The following DTX4 variants were observed in gnomAD, a reference collection of about 807,000 sequenced individuals.
The protein encoded by DTX4 is deltex E3 ubiquitin ligase 4, also known as E3 ubiquitin-protein ligase DTX4.
In DTX4, 28 loss-of-function variants were observed where a neutral mutation model predicts 57.6. That is an observed-to-expected ratio of 0.49 (90% CI 0.36 to 0.67). DTX4 has a LOEUF of 0.67. DTX4 is among the 30% of genes least tolerant of loss of function. The pLI is 0.00. For synonymous variants in DTX4, 316 were observed against 331.0 expected (o/e 0.95, Z 0.49); for missense variants, 715 against 836.8 (o/e 0.85, Z 1.80).
In DTX4 at chr11:59,181,878, T is replaced by C. The variant is rs758319344; in HGVS notation, c.351T>C (p.Tyr117=). Residue 117 remains tyrosine, a synonymous_variant, in exon 2 of 9, where the codon TAT becomes TAC. Transcript: ENST00000227451. ...MEVGITIQHA[Y]EKQHPWIDLT... ...TGGGCATCACCATCCAGCATGCCTA[T>C]GAGAAGCAGCACCCCTGGATCGACC... 2 of 1,613,962 alleles carry C rather than the reference T, an allele frequency of 1.2e-6. No homozygotes were observed. Among genetic ancestry groups the C allele is most frequent in the South Asian group, 2.2e-5 (2 of 91,086 alleles).
Position 59,182,222 on chromosome 11 carries a change from T to TG in DTX4, c.696dup (p.Pro233AlafsTer133), listed in dbSNP as rs1565216658. 1.2e-6 allele frequency: 2 copies of TG among 1,609,402 alleles called. No homozygotes were observed. The highest frequency in any genetic ancestry group is 1.7e-6 in the Non-Finnish European group (2 of 1,177,558). ...CCTGGAGTGGTCAAGCTACCCCCACTGCCAGGCTCTGGGGCCAAGCCACTG... is the reference window on the plus strand; with the variant it reads ...CCTGGAGTGGTCAAGCTACCCCCACTGGCCAGGCTCTGGGGCCAAGCCACTG... On this transcript the variant is annotated frameshift_variant, in exon 2 of 9. Transcript: ENST00000227451. LOFTEE classifies it high-confidence loss of function.
At position 59,198,212 on chromosome 11, in the gene DTX4, C is replaced by T. The variant is rs773218997; in HGVS notation, c.1537-1472C>T. 1.4e-4 allele frequency among the ~76,000 whole-genome samples: 22 copies of T among 152,256 alleles called. No homozygotes were observed. The Middle Eastern group carries it at 0.01, about 71-fold the overall frequency. On this transcript the variant is annotated intron_variant, in intron 7 of 8. Transcript: ENST00000227451. Reference sequence around the variant, plus strand: ...GAGTCGTGACTGCTCCACTTAGCAACGAGCTGGGAGGGCACAGCCGTGTTG... The same window carrying T: ...GAGTCGTGACTGCTCCACTTAGCAATGAGCTGGGAGGGCACAGCCGTGTTG...
chr11:59,205,006 C>A lies in DTX4; in HGVS notation c.*97C>A. The A allele has an allele frequency of 1.8e-6, 2 of 1,108,956 alleles. No homozygotes were observed. The highest frequency in any genetic ancestry group is 1.3e-6 in the Non-Finnish European group (1 of 767,106). 68.7% of individuals were successfully genotyped at this position (1,108,956 alleles called of 1,614,324 possible). ...TAGAAGAAGTTGGTGTCCTGCCCTC[C>A]CAACTTTCTATCCTCCCCTCCTGCC... is the stretch of plus-strand genomic sequence containing the variant. On this transcript the variant is annotated 3_prime_UTR_variant, in exon 9 of 9. Transcript: ENST00000227451.
In DTX4 at chr11:59,195,271, C is replaced by T. The variant is rs947500088; in HGVS notation, c.1438C>T (p.Pro480Ser). Residue 480 changes from proline to serine, a missense_variant, in exon 7 of 9, where the codon CCA (proline) becomes TCA (serine). By Grantham distance (74) the Pro-to-Ser change is moderately conservative (BLOSUM62 -1). Transcript: ENST00000227451. ...TGGGGTGAAGACAGGCACCCAACCTCCAGGGAAGATGGAGTACCACCTCAT... is the reference window on the plus strand; with the variant it reads ...TGGGGTGAAGACAGGCACCCAACCTTCAGGGAAGATGGAGTACCACCTCAT... ...IYGVKTGTQP[P>S]GKMEYHLIPH... 1.2e-6 allele frequency: 2 copies of T among 1,613,972 alleles called. No individual in the cohort carries two copies. The highest frequency in any genetic ancestry group is 8.5e-7 in the Non-Finnish European group (1 of 1,179,872).
chr11:59,194,605 A>AT (rs1158840131), intron 6 of DTX4, among the ~76,000 whole-genome samples: 1 of 152,218 alleles, frequency 6.6e-6, no homozygotes, highest in African/African-American at 2.4e-5. Flanking sequence ...TGAGACAGAT[A>AT]TTTTTTATCC....
In DTX4 at chr11:59,205,784, C is replaced by T. The variant is rs1862798297; in HGVS notation, c.*875C>T. ...AAAGATTCCATGAGTTTCATCGAGT[C>T]ACTGTGAGTGGAGCCCATGCTGGGC... On this transcript the variant is annotated 3_prime_UTR_variant, in exon 9 of 9. Transcript: ENST00000227451. The T allele has an allele frequency of 1.3e-5, 2 of 153,036 alleles. No homozygotes were observed. Among genetic ancestry groups the T allele is most frequent in the East Asian group, 1.9e-4 (1 of 5,176 alleles). The allele number at this position is 153,036 out of a possible 1,614,324, so 9.5% of individuals were successfully genotyped here. A position where few individuals can be genotyped will look rare whatever the true frequency, so the allele number is the denominator to read the frequency against.
chr11:59,200,749 T>A (rs1383531585), intron 8 of DTX4, among the ~76,000 whole-genome samples: 1 of 152,214 alleles, frequency 6.6e-6, no homozygotes, highest in Non-Finnish European at 1.5e-5. Flanking sequence ...TTTCTATGGA[T>A]GAGGCCAGAA....
chr11:59,206,939 A>C lies in DTX4; in HGVS notation c.*2030A>C, dbSNP rs1862819269. On this transcript the variant is annotated 3_prime_UTR_variant, in exon 9 of 9. Transcript: ENST00000227451. The stretch of plus-strand genomic sequence containing the variant: ...TCCCAAGGTTACTGCACCACAGGGC[A>C]ATTTCCTGCCATAGTTAGGAAGGAA... 1 of 152,504 alleles carries C rather than the reference A, an allele frequency of 6.6e-6. No individual in the cohort carries two copies. Among genetic ancestry groups the C allele is most frequent in the African/African-American group, 2.4e-5 (1 of 41,460 alleles). The allele number at this position is 152,504 out of a possible 1,614,324, so 9.4% of individuals were successfully genotyped here.
intron 1 of DTX4, among the ~76,000 whole-genome samples, chr11:59,177,867 GA>G (rs1862414815): frequency 6.6e-6 from 1 of 152,046 alleles, no homozygotes; most frequent in African/African-American, 2.4e-5. Flanking sequence ...TTCATTTATT[GA>G]ATCAATATTT....
intron 1 of DTX4, among the ~76,000 whole-genome samples, chr11:59,176,291 C>A (rs1862394763): frequency 6.6e-6 from 1 of 152,240 alleles, no homozygotes; most frequent in Non-Finnish European, 1.5e-5. Context: ...GCACCTTGCA[C>A]ACACTATCTT....
At chr11:59,190,813 G>C (rs1419317747) in intron 4 of DTX4, among the ~76,000 whole-genome samples, 1 of 152,150 alleles carries the variant, frequency 6.6e-6, no homozygotes, top group Non-Finnish European at 1.5e-5. Context: ...CAAATCATTT[G>C]ATTATAAGGA....
At chr11:59,190,078 G>A (rs1316475363) in intron 4 of DTX4, among the ~76,000 whole-genome samples, 2 of 152,136 alleles carry the variant, frequency 1.3e-5, no homozygotes, top group African/African-American at 4.8e-5. Flanking sequence ...TTAATTACTA[G>A]AGCTTAATTC....
intron 2 of DTX4, among the ~76,000 whole-genome samples, chr11:59,182,838 T>C (rs1862483978): frequency 6.6e-6 from 1 of 152,140 alleles, no homozygotes; most frequent in African/African-American, 2.4e-5. Context: ...TCCCAGCACT[T>C]TGGGAGGCTG....
chr11:59,174,692 C>T (rs113716164), intron 1 of DTX4, among the ~76,000 whole-genome samples: 2,005 of 152,134 alleles, frequency 0.013, 41 homozygotes, highest in African/African-American at 0.046. Flanking sequence ...TCTACAGAAG[C>T]GAAGTTGTAG....
At chr11:59,177,100 C>A (rs1391842518) in intron 1 of DTX4, among the ~76,000 whole-genome samples, 2 of 152,190 alleles carry the variant, frequency 1.3e-5, no homozygotes, top group African/African-American at 4.8e-5. Flanking sequence ...TTCCCATGGT[C>A]CAAACCCAGG....
Position 59,172,764 on chromosome 11 carries a change from A to T in DTX4, c.169A>T (p.Ile57Phe). 6.3e-7 allele frequency: 1 copy of T among 1,599,360 alleles called. No individual in the cohort carries two copies. Among genetic ancestry groups the T allele is most frequent in the Non-Finnish European group, 8.5e-7 (1 of 1,174,384 alleles). The change falls in exon 1 of 9, where the codon ATC (isoleucine) becomes TTC (phenylalanine). Residue 57 changes from isoleucine (I) to phenylalanine (F), a missense_variant. By Grantham distance (21) the Ile-to-Phe change is conservative. Transcript: ENST00000227451. Reference protein sequence around the residue: ...GQVDSRLAPYIIDLQSMNQFR... With the variant: ...GQVDSRLAPYFIDLQSMNQFR... ...GGTGGACAGCCGTCTCGCGCCCTAC[A>T]TCATCGACCTGCAGTCCATGAACCA...
In DTX4 at chr11:59,206,600, A is replaced by G. The variant is rs1279885677; in HGVS notation, c.*1691A>G. ...AATGGAAACAAGAGAACCTTCAAAA[A>G]TGGTACTTAGATGGGAACTGGAGGC... is the stretch of plus-strand genomic sequence containing the variant. On this transcript the variant is annotated 3_prime_UTR_variant, in exon 9 of 9. Coordinates refer to ENST00000227451, the MANE Select transcript of DTX4 (RefSeq NM_015177.2). 6.6e-6 allele frequency: 1 copy of G among 152,448 alleles called. No homozygotes were observed. Among genetic ancestry groups the G allele is most frequent in the Non-Finnish European group, 1.5e-5 (1 of 68,008 alleles). 9.4% of individuals were successfully genotyped at this position (152,448 alleles called of 1,614,324 possible). A position where few individuals can be genotyped will look rare whatever the true frequency, so the allele number is the denominator to read the frequency against.
chr11:59,195,631 G>T (rs1862657244), intron 7 of DTX4, among the ~76,000 whole-genome samples: 1 of 151,756 alleles, frequency 6.6e-6, no homozygotes, highest in Non-Finnish European at 1.5e-5. Flanking sequence ...GTGACATTTA[G>T]GCACATTGTT....
intron 5 of DTX4, among the ~76,000 whole-genome samples, chr11:59,191,512 G>A (rs114524470): frequency 6.6e-6 from 1 of 152,312 alleles, no homozygotes; most frequent in African/African-American, 2.4e-5. Context: ...AGACAATTTG[G>A]CCCCTGAGGG....
Sources: gnomAD v4.1 joint callset for allele counts (sites outside exome capture counted in the v4.1 genomes callset) on GRCh38, gnomAD v4.1.1 for gene constraint, MANE v1.5 for transcripts, NCBI Gene and HGNC (gene_info 2026-07-23, HGNC 2026-07-21) for gene names.